SPATA18: variants seen among roughly 807,000 people sequenced by gnomAD.
SPATA18 encodes spermatogenesis associated 18, also known as mitochondria-eating protein.
A neutral mutation model predicts 68.1 loss-of-function variants in SPATA18; 54 were observed. The observed-to-expected ratio is 0.79, with a 90% CI of 0.64 to 0.99. The LOEUF (loss-of-function observed/expected upper bound fraction) is 0.99, where lower values mean the gene tolerates loss of function less well. SPATA18 is among the 50% of genes least tolerant of loss of function. The pLI is 0.00. For missense variants in SPATA18, 724 were observed against 681.1 expected (o/e 1.06, Z -0.70); for synonymous variants, 242 against 244.8 (o/e 0.99, Z 0.11).
chr4:52,074,712 A>T (rs984553566), intron 6 of SPATA18, among the ~76,000 whole-genome samples: 1 of 152,234 alleles, frequency 6.6e-6, no homozygotes, highest in Non-Finnish European at 1.5e-5. Context: ...GAGTACCATT[A>T]TAACAGGGTG....
chr4:52,082,738 G>C, intron 10 of SPATA18: 1 of 1,364,822 alleles, frequency 7.3e-7, no homozygotes, highest in Non-Finnish European at 9.5e-7. Flanking sequence ...GCTTTATTTA[G>C]GAGATGGAAT....
chr4:52,079,852 A>G lies in SPATA18; in HGVS notation c.1288A>G (p.Met430Val). The G allele has an allele frequency of 6.2e-7, 1 of 1,614,100 alleles. No individual in the cohort carries two copies. Among genetic ancestry groups the G allele is most frequent in the Non-Finnish European group, 8.5e-7 (1 of 1,179,950 alleles). The change falls in exon 9 of 13, where the codon ATG becomes GTG. Residue 430 changes from methionine (M) to valine (V), a missense_variant. Coordinates refer to ENST00000295213, the MANE Select transcript of SPATA18 (RefSeq NM_145263.4). Reference protein sequence around the residue: ...IQEICCIAFAMQALEPPLDIA... With the variant: ...IQEICCIAFAVQALEPPLDIA... The stretch of plus-strand genomic sequence containing the variant: ...GGAGATATGTTGCATTGCCTTTGCA[A>G]TGCAGGCCTTAGAACCACCCCTAGA...
Position 52,051,469 on chromosome 4 carries a change from A to G in SPATA18, c.-236A>G. The G allele has an allele frequency of 1.9e-6, 1 of 537,132 alleles. No homozygotes were observed. The allele number at this position is 537,132 out of a possible 1,614,324, so 33.3% of individuals were successfully genotyped here. On this transcript the variant is annotated 5_prime_UTR_variant, in exon 1 of 13. Coordinates refer to ENST00000295213, the MANE Select transcript of SPATA18 (RefSeq NM_145263.4). ...CTCAGGCGGCTGCTGGGGAGCCAGGAGACCGCGCGGGACGGCGGATGAGGC... is the reference window on the plus strand; with the variant it reads ...CTCAGGCGGCTGCTGGGGAGCCAGGGGACCGCGCGGGACGGCGGATGAGGC...
intron 11 of SPATA18, among the ~76,000 whole-genome samples, chr4:52,093,707 C>T (rs1347752936): frequency 6.6e-6 from 1 of 152,172 alleles, no homozygotes; most frequent in Non-Finnish European, 1.5e-5. Context: ...TCCGGACTCC[C>T]ATCAAAAGGC....
chr4:52,061,021 T>G, intron 3 of SPATA18, 124 bp downstream of exon 3: 4 of 736,402 alleles, frequency 5.4e-6, no homozygotes, highest in Non-Finnish European at 9.0e-6. Flanking sequence ...TTGTGATGGA[T>G]ATTGGTGGTT....
At chr4:52,083,470 C>G in intron 10 of SPATA18, 1 of 985,426 alleles carries the variant, frequency 1.0e-6, no homozygotes, top group Non-Finnish European at 1.2e-6. Flanking sequence ...GAGCCCTTAG[C>G]TGGGCATGGT....
chr4:52,079,837 T>A lies in SPATA18; in HGVS notation c.1273T>A (p.Cys425Ser), dbSNP rs554049949. The A allele has an allele frequency of 3.6e-4, 580 of 1,614,116 alleles. 6 individuals carry two copies. In the South Asian group the frequency reaches 6.0e-3, roughly 17 times the overall value. ...CAGTGACTTCATCCAGGAGATATGTTGCATTGCCTTTGCAATGCAGGCCTT... is the reference window on the plus strand; with the variant it reads ...CAGTGACTTCATCCAGGAGATATGTAGCATTGCCTTTGCAATGCAGGCCTT... The part of the protein sequence containing the change: ...LLSDFIQEIC[C>S]IAFAMQALEP... The change falls in exon 9 of 13, where the codon TGC becomes AGC. Residue 425 changes from cysteine to serine, a missense_variant. By Grantham distance (112) the Cys-to-Ser change is moderately radical. Coordinates refer to ENST00000295213, the MANE Select transcript of SPATA18 (RefSeq NM_145263.4).
intron 7 of SPATA18, among the ~76,000 whole-genome samples, chr4:52,077,824 T>C (rs948092641): frequency 1.3e-5 from 2 of 152,178 alleles, no homozygotes; most frequent in East Asian, 3.8e-4. Flanking sequence ...CACATATGTA[T>C]CCTTAATTTC....
In SPATA18 at chr4:52,072,020, C is replaced by G. The variant is rs978143435; in HGVS notation, c.622C>G (p.Arg208Gly). ...SEPWSLEERK[R>G]EQWNSLKQNA... ...GCCTTGGAGCTTGGAGGAGCGGAAGCGTGAGCAGTGGAACTCACTCAAGCA... is the reference window on the plus strand; with the variant it reads ...GCCTTGGAGCTTGGAGGAGCGGAAGGGTGAGCAGTGGAACTCACTCAAGCA... Residue 208 changes from arginine to glycine, a missense_variant, in exon 6 of 13, where the codon CGT becomes GGT. Coordinates refer to ENST00000295213, the MANE Select transcript of SPATA18 (RefSeq NM_145263.4). 1.9e-6 allele frequency: 3 copies of G among 1,613,860 alleles called. No homozygotes were observed. Among genetic ancestry groups the G allele is most frequent in the Admixed American group, 1.7e-5 (1 of 59,980 alleles).
chr4:52,069,743 C>CTA, intron 4 of SPATA18, 78 bp from the exon 5 acceptor site: 1 of 1,033,830 alleles, frequency 9.7e-7, no homozygotes. Flanking sequence ...CCAGAAGTTC[C>CTA]TAAGTGAGCC....
intron 6 of SPATA18, among the ~76,000 whole-genome samples, chr4:52,075,489 T>C (rs1740257277): frequency 6.6e-6 from 1 of 152,176 alleles, no homozygotes; most frequent in South Asian, 2.1e-4. Context: ...AGTTTTTGTC[T>C]GATGTCTGGG....
At chr4:52,070,174 C>A (rs1336456481) in intron 5 of SPATA18, among the ~76,000 whole-genome samples, 2 of 151,818 alleles carry the variant, frequency 1.3e-5, no homozygotes, top group African/African-American at 2.4e-5. Context: ...ATTTTACATT[C>A]TTTCCAATTA....
intron 2 of SPATA18, 106 bp downstream of exon 2, chr4:52,060,630 G>T: frequency 8.8e-7 from 1 of 1,142,256 alleles, no homozygotes; most frequent in South Asian, 1.4e-5. Context: ...TTCTCTCACT[G>T]ACCTGATGAC....
intron 5 of SPATA18, among the ~76,000 whole-genome samples, chr4:52,070,951 G>A (rs1739786616): frequency 6.6e-6 from 1 of 151,564 alleles, no homozygotes; most frequent in South Asian, 2.1e-4. Flanking sequence ...GTGTTCCAAT[G>A]GTTCTGATTT....
rs141800093 is a variant in SPATA18 at position 52,078,143 on chromosome 4, A to C, written c.1021-592A>C. Among the ~76,000 whole-genome samples, 456 of 151,930 alleles carry C rather than the reference A, an allele frequency of 3.0e-3. 3 individuals are homozygous for C. The highest frequency in any genetic ancestry group is 0.01 in the African/African-American group (428 of 41,456). On this transcript the variant is annotated intron_variant, in intron 7 of 12. Transcript: ENST00000295213. ...AAAAGACAGAAACTGTATGTAGCTC[A>C]ACATGCATACAATATTTGCTGTCTG...
intron 12 of SPATA18, 73 bp downstream of exon 12, chr4:52,094,645 G>A (rs1742274581): frequency 1.4e-6 from 2 of 1,459,302 alleles, no homozygotes; most frequent in Non-Finnish European, 1.9e-6. Flanking sequence ...GCACTGAGCA[G>A]CAAAATGAAT....
chr4:52,079,651 T>G, intron 8 of SPATA18, 93 bp from the exon 9 acceptor site: 1 of 1,426,018 alleles, frequency 7.0e-7, no homozygotes, highest in Non-Finnish European at 9.6e-7. Context: ...CACATTCTCT[T>G]TTCCCACCTC....
intron 11 of SPATA18, among the ~76,000 whole-genome samples, chr4:52,091,722 G>A (rs1013737350): frequency 1.1e-4 from 16 of 152,196 alleles, no homozygotes; most frequent in Admixed American, 7.9e-4. Flanking sequence ...CCAGTTGGGA[G>A]GTGTCTCCCA....
intron 11 of SPATA18, among the ~76,000 whole-genome samples, chr4:52,089,975 G>A (rs1457577017): frequency 6.6e-6 from 1 of 152,054 alleles, no homozygotes; most frequent in Non-Finnish European, 1.5e-5. Context: ...TTCTGTATTG[G>A]GTGCATATAT....
Sources: gnomAD v4.1 joint callset for allele counts (sites outside exome capture counted in the v4.1 genomes callset) on GRCh38, gnomAD v4.1.1 for gene constraint, MANE v1.5 for transcripts, NCBI Gene and HGNC (gene_info 2026-07-23, HGNC 2026-07-21) for gene names.